Variants in KLHL22 observed in about 807,000 individuals in gnomAD.
KLHL22 encodes the protein kelch-like protein 22.
A neutral mutation model predicts 60.7 loss-of-function variants in KLHL22; 18 were observed. The observed-to-expected ratio is 0.30, with a 90% CI of 0.20 to 0.44. KLHL22 has a LOEUF of 0.44. Among genes scored for constraint, KLHL22 ranks in the 20% least tolerant of loss-of-function variants. The pLI is 1.00. For missense variants in KLHL22, 596 were observed against 852.3 expected, an observed-to-expected ratio of 0.70 and a Z score of 3.74; for synonymous variants, 355 against 354.5, an observed-to-expected ratio of 1.00 and a Z score of -0.01.
intron 1 of KLHL22, among the ~76,000 whole-genome samples, chr22:20,490,375 A>C (rs927192218): frequency 6.6e-6 from 1 of 152,192 alleles, no homozygotes; most frequent in Non-Finnish European, 1.5e-5. Flanking sequence ...CTAGGCCATA[A>C]GGTACAGCCA....
In KLHL22 at chr22:20,450,415, A is replaced by G. The variant is rs1331325070; in HGVS notation, c.1306-3739T>C. The stretch of plus-strand genomic sequence containing the variant: ...TGTACACGGAAACAGTACATGTGAC[A>G]TGGAGAATGTACAGGAACTGCTTCC... On this transcript the variant is annotated intron_variant, in intron 5 of 6. Transcript: ENST00000328879. 6.6e-6 allele frequency: 10 copies of G among 1,506,410 alleles called. No individual in the cohort carries two copies. In the South Asian group the frequency reaches 7.9e-5, roughly 12 times the overall value. The allele number at this position is 1,506,410 out of a possible 1,614,324, so 93.3% of individuals were successfully genotyped here. A position where few individuals can be genotyped will look rare whatever the true frequency, so the allele number is the denominator to read the frequency against.
chr22:20,463,571 G>A (rs1185856937), intron 4 of KLHL22, among the ~76,000 whole-genome samples: 1 of 152,262 alleles, frequency 6.6e-6, no homozygotes, highest in Non-Finnish European at 1.5e-5. Flanking sequence ...TCAGCAGGGT[G>A]GTCTGGCCTT....
intron 5 of KLHL22, among the ~76,000 whole-genome samples, chr22:20,453,598 C>T (rs1170744702): frequency 1.3e-5 from 2 of 152,138 alleles, no homozygotes; most frequent in African/African-American, 2.4e-5. Context: ...CCCATCTTAT[C>T]GTTCTTTTTC....
At chr22:20,491,119 T>C (rs929642813) in intron 1 of KLHL22, 1 of 152,080 alleles carries the variant, frequency 6.6e-6, no homozygotes, top group Non-Finnish European at 1.5e-5. Context: ...TTATAAAGGG[T>C]ATTGCAAAGG....
rs112474442 is a variant in KLHL22, at chr22:20,450,055, T to C, written c.1306-3379A>G. On this transcript the variant is annotated intron_variant, in intron 5 of 6. Coordinates refer to ENST00000328879, the MANE Select transcript of KLHL22 (RefSeq NM_032775.4). The stretch of plus-strand genomic sequence containing the variant: ...GGCTGGGGACAGGCCCTGGCGCGGC[T>C]GTGTGGGATCAGAAGCAGAGTTGCA... 7.8e-4 allele frequency: 544 copies of C among 695,540 alleles called. 2 individuals are homozygous for C. The African/African-American group carries it at 8.7e-3, about 11-fold the overall frequency. 43.1% of individuals were successfully genotyped at this position (695,540 alleles called of 1,614,324 possible). A position where few individuals can be genotyped will look rare whatever the true frequency, so the allele number is the denominator to read the frequency against.
rs1198552141 is a variant in KLHL22, at chr22:20,464,937, C to T, written c.1033G>A (p.Ala345Thr). 1.3e-5 allele frequency: 20 copies of T among 1,596,500 alleles called. No individual in the cohort carries two copies. The highest frequency in any genetic ancestry group is 3.5e-5 in the Admixed American group (2 of 57,714). ...LAPRMSNQGI[A>T]VLNNFVYLIG... ...AAGTATACGAAGTTGTTGAGCACCG[C>T]GATGCCCTGGTTGGACATGCGGGGG... The change falls in exon 4 of 7, where the codon GCG (alanine) becomes ACG (threonine). Residue 345 changes from alanine to threonine, a missense_variant. Transcript: ENST00000328879.
intron 5 of KLHL22, among the ~76,000 whole-genome samples, chr22:20,454,923 C>T (rs1294855282): frequency 6.6e-6 from 1 of 152,050 alleles, no homozygotes; most frequent in Admixed American, 6.6e-5. Context: ...GCTCTGTTGC[C>T]CAGGCTGGAA....
At chr22:20,487,263 GC>G (rs1411251134) in intron 2 of KLHL22, among the ~76,000 whole-genome samples, 2 of 151,224 alleles carry the variant, frequency 1.3e-5, no homozygotes, top group East Asian at 3.9e-4. Context: ...TGTCACCCAG[GC>G]TGGAATGCAG....
intron 2 of KLHL22, chr22:20,483,021 A>T (rs2053530326): frequency 1.5e-6 from 1 of 679,216 alleles, no homozygotes; most frequent in Admixed American, 2.1e-5. Flanking sequence ...AGGGCGTCCT[A>T]CTCCTAGGCC....
Position 20,442,052 on chromosome 22 carries a change from C to A in KLHL22, c.*21G>T, listed in dbSNP as rs751587552. ...CCTGCAGCCCCAGCCTCCCTTCCCT[C>A]TGATGCCAGGCACAGGGAGCCTAGT... On this transcript the variant is annotated 3_prime_UTR_variant, in exon 7 of 7. Coordinates refer to ENST00000328879, the MANE Select transcript of KLHL22 (RefSeq NM_032775.4). 5.4e-6 allele frequency: 8 copies of A among 1,491,990 alleles called. No homozygotes were observed. The East Asian group carries it at 1.9e-4, about 36-fold the overall frequency. 92.4% of individuals were successfully genotyped at this position (1,491,990 alleles called of 1,614,324 possible).
At chr22:20,454,469 G>A (rs911540629) in intron 5 of KLHL22, among the ~76,000 whole-genome samples, 3 of 152,218 alleles carry the variant, frequency 2.0e-5, no homozygotes, top group Non-Finnish European at 4.4e-5. Flanking sequence ...AAGCATGAAT[G>A]AGGAAGAATA....
chr22:20,471,621 C>A, intron 2 of KLHL22, 106 bp from the exon 3 acceptor site: 1 of 1,238,840 alleles, frequency 8.1e-7, no homozygotes, highest in Admixed American at 1.9e-5. Context: ...GGTGGCAGGG[C>A]CCTGGTAGTG....
At chr22:20,457,075 A>T (rs557536101) in intron 5 of KLHL22, among the ~76,000 whole-genome samples, 1 of 152,018 alleles carries the variant, frequency 6.6e-6, no homozygotes, top group Admixed American at 6.5e-5. Context: ...TCGGAGGCTG[A>T]GACCCAGGAA....
intron 2 of KLHL22, among the ~76,000 whole-genome samples, chr22:20,487,580 TC>T (rs1335040280): frequency 6.6e-6 from 1 of 151,996 alleles, no homozygotes; most frequent in Non-Finnish European, 1.5e-5. Context: ...TCTGGGCTCT[TC>T]CAATAATGTT....
intron 2 of KLHL22, among the ~76,000 whole-genome samples, chr22:20,484,702 G>A (rs1284339956): frequency 6.6e-6 from 1 of 151,462 alleles, no homozygotes; most frequent in Non-Finnish European, 1.5e-5. Flanking sequence ...AAAACGCTGG[G>A]ATTATAGGTG....
At chr22:20,475,153 T>G (rs1258388043) in intron 2 of KLHL22, 1 of 151,398 alleles carries the variant, frequency 6.6e-6, no homozygotes, top group African/African-American at 2.4e-5. Flanking sequence ...TTTGATTTTG[T>G]ATTGCTTTTT....
chr22:20,456,923 C>A (rs535313388), intron 5 of KLHL22, among the ~76,000 whole-genome samples: 1 of 152,340 alleles, frequency 6.6e-6, no homozygotes, highest in East Asian at 1.9e-4. Flanking sequence ...AACCTGCCCC[C>A]CATACCATCC....
chr22:20,480,893 G>A (rs1033379973), intron 2 of KLHL22, among the ~76,000 whole-genome samples: 2 of 146,906 alleles, frequency 1.4e-5, no homozygotes, highest in Non-Finnish European at 3.0e-5. Context: ...ATGCAGTGGC[G>A]CGATCTCGGC....
intron 5 of KLHL22, among the ~76,000 whole-genome samples, chr22:20,453,685 C>T (rs184172367): frequency 1.8e-4 from 27 of 151,932 alleles, no homozygotes; most frequent in Admixed American, 3.9e-4. Flanking sequence ...TCTAATGTCA[C>T]AAGTAAAATC....
Sources: gnomAD v4.1 joint callset for allele counts (sites outside exome capture counted in the v4.1 genomes callset) on GRCh38, gnomAD v4.1.1 for gene constraint, MANE v1.5 for transcripts, NCBI Gene and HGNC (gene_info 2026-07-23, HGNC 2026-07-21) for gene names.